The following MOK variants were observed in gnomAD, a reference collection of about 807,000 sequenced individuals.
MOK encodes the protein MAPK/MAK/MRK overlapping kinase.
MOK carries 59 observed loss-of-function variants against 54.2 expected under a neutral mutation model. That is an observed-to-expected ratio of 1.09 (90% CI 0.88 to 1.35). The LOEUF (loss-of-function observed/expected upper bound fraction) is 1.35. Among genes scored for constraint, MOK ranks in the 40% most tolerant of loss-of-function variants. MOK has a pLI of 0.00. For missense variants in MOK, 517 were observed against 526.2 expected, an observed-to-expected ratio of 0.98 and a Z score of 0.17; for synonymous variants, 210 against 202.7, an observed-to-expected ratio of 1.04 and a Z score of -0.31.
rs869078357 is a variant in MOK, at chr14:102,264,227, AAAAG to A, written c.213-615_213-612del. Reference sequence around the variant, plus strand: ...CCCTGTCTCAAAAAAAAAAAAAAAAAAAAGAAAGAAAGAAAGAAAATTAATTCGT... The same window carrying A: ...CCCTGTCTCAAAAAAAAAAAAAAAAAAAAGAAAGAAAGAAAATTAATTCGT... On this transcript the variant is annotated intron_variant, in intron 3 of 11. Transcript: ENST00000361847. 4.2e-3 allele frequency: 527 copies of A among 124,270 alleles called. 10 individuals are homozygous for A. The highest frequency in any genetic ancestry group is 8.1e-3 in the African/African-American group (202 of 24,852). The allele number at this position is 124,270 out of a possible 1,614,324, so 7.7% of individuals were successfully genotyped here. A position where few individuals can be genotyped will look rare whatever the true frequency, so the allele number is the denominator to read the frequency against.
chr14:102,303,797 C>T lies in MOK; in HGVS notation c.7+1165G>A, dbSNP rs188881589. 1.5e-4 allele frequency among the ~76,000 whole-genome samples: 23 copies of T among 152,208 alleles called. No individual in the cohort carries two copies. In the East Asian group the frequency reaches 3.5e-3, roughly 23 times the overall value. On this transcript the variant is annotated intron_variant, in intron 1 of 11. Coordinates refer to ENST00000361847, the MANE Select transcript of MOK (RefSeq NM_014226.3). ...AAATGGGAGAGAGAAAACACCAGAG[C>T]GAAAGCGAGCACACAAAAATAAGGC...
intron 2 of MOK, chr14:102,278,525 A>G (rs2069099206): frequency 2.7e-6 from 1 of 372,232 alleles, no homozygotes; most frequent in Non-Finnish European, 5.4e-6. Context: ...ACCATGTACC[A>G]CATGTAGACC....
At chr14:102,276,525 A>C (rs2068879765) in intron 2 of MOK, among the ~76,000 whole-genome samples, 1 of 151,974 alleles carries the variant, frequency 6.6e-6, no homozygotes, top group African/African-American at 2.4e-5. Flanking sequence ...AAAAAGTTAC[A>C]ATCACTTTGA....
At chr14:102,299,716 C>T (rs75787780) in intron 1 of MOK, among the ~76,000 whole-genome samples, 27 of 152,090 alleles carry the variant, frequency 1.8e-4, no homozygotes, top group Non-Finnish European at 3.7e-4. Context: ...CTCCCGAGTA[C>T]CTGAGACCAC....
chr14:102,251,895 T>C (rs779366046), intron 5 of MOK, 22 bp downstream of exon 5: 1 of 1,561,750 alleles, frequency 6.4e-7, no homozygotes, highest in Non-Finnish European at 8.8e-7. Flanking sequence ...ATTTCAGAGC[T>C]GTCAAATCTC....
In MOK at chr14:102,235,267, C is replaced by T. The variant is rs1295845711; in HGVS notation, c.591-1478G>A. ...TCCGTGTCCACGTCCCATTTTCCCTCTCTAATGTTTCCCAAATTGAGAAAC... is the reference window on the plus strand; with the variant it reads ...TCCGTGTCCACGTCCCATTTTCCCTTTCTAATGTTTCCCAAATTGAGAAAC... On this transcript the variant is annotated intron_variant, in intron 7 of 11. Coordinates refer to ENST00000361847, the MANE Select transcript of MOK (RefSeq NM_014226.3). This position sits in a 1 kb window ranked among gnomAD's most constrained non-coding sequence, Gnocchi z 4.4. The T allele has an allele frequency of 6.6e-6, 1 of 152,210 alleles. No individual in the cohort carries two copies. Among genetic ancestry groups the T allele is most frequent in the Admixed American group, 6.5e-5 (1 of 15,284 alleles). 9.4% of individuals were successfully genotyped at this position (152,210 alleles called of 1,614,324 possible).
At chr14:102,220,543 A>T (rs895486118), downstream of MOK, among the ~76,000 whole-genome samples, 1 of 152,106 alleles carries the variant, frequency 6.6e-6, no homozygotes, top group Admixed American at 6.5e-5. This position sits in a 1 kb window ranked among gnomAD's most constrained non-coding sequence, Gnocchi z 4.2. Context: ...TAACAGTGAA[A>T]CCCCATCTCT....
At chr14:102,217,613 C>T in the MOK span, among the ~76,000 whole-genome samples, 1 of 152,152 alleles carries the variant, frequency 6.6e-6, no homozygotes, top group Non-Finnish European at 1.5e-5. Context: ...CTGGGCTGGG[C>T]CCAGGGTTCC....
chr14:102,294,656 A>T (rs1055859120), intron 1 of MOK, among the ~76,000 whole-genome samples: 2 of 152,072 alleles, frequency 1.3e-5, no homozygotes, highest in African/African-American at 2.4e-5. Context: ...GAGGGATTGG[A>T]GGTCAATCAC....
At chr14:102,215,181 G>A in the MOK span, among the ~76,000 whole-genome samples, 2 of 152,332 alleles carry the variant, frequency 1.3e-5, no homozygotes, top group African/African-American at 2.4e-5. Flanking sequence ...AGTTGGCAGC[G>A]TACTCGATGA....
intron 1 of MOK, among the ~76,000 whole-genome samples, chr14:102,287,951 C>T (rs1377390485): frequency 6.6e-6 from 1 of 151,494 alleles, no homozygotes; most frequent in Non-Finnish European, 1.5e-5. Flanking sequence ...TCTCCTGCCT[C>T]AGCCTCCCGA....
At chr14:102,294,394 C>T (rs1176181107) in intron 1 of MOK, among the ~76,000 whole-genome samples, 4 of 148,942 alleles carry the variant, frequency 2.7e-5, no homozygotes, top group East Asian at 2.0e-4. Context: ...GGCAGTGAGC[C>T]GAGATAGCGC....
downstream of MOK, chr14:102,224,704 A>G (rs1391291013): frequency 2.2e-6 from 1 of 455,918 alleles, no homozygotes. Flanking sequence ...CGGAGGAGAC[A>G]TTAGTTACAG....
At position 102,229,756 on chromosome 14, in the gene MOK, A is replaced by G. The variant is rs574680258; in HGVS notation, c.982-99T>C. ...CTCTTTTGTACTGCTTTTGCCTAAT[A>G]CAATTTCTTGACCATAAGATGTGAC... On this transcript the variant is annotated intron_variant, in intron 10 of 11. Transcript: ENST00000361847. 68 of 1,104,564 alleles carry G rather than the reference A, an allele frequency of 6.2e-5. 1 individual carries two copies. In the South Asian group the frequency reaches 1.0e-3, roughly 17 times the overall value. The allele number at this position is 1,104,564 out of a possible 1,614,324, so 68.4% of individuals were successfully genotyped here.
chr14:102,247,011 A>C (rs777984991), intron 7 of MOK, among the ~76,000 whole-genome samples: 2 of 152,036 alleles, frequency 1.3e-5, no homozygotes, highest in Non-Finnish European at 2.9e-5. Flanking sequence ...ACAAAAACTC[A>C]GAGTACTGCA....
At position 102,243,114 on chromosome 14, in the gene MOK, CA is replaced by C. The variant is rs1473464946; in HGVS notation, c.590+7697del. Among the ~76,000 whole-genome samples, 4 of 152,294 alleles carry C rather than the reference CA, an allele frequency of 2.6e-5. No homozygotes were observed. The East Asian group carries it at 7.7e-4, about 29-fold the overall frequency. ...TGCTAATCATGTCTGGCTAATCTCC[CA>C]AACCCCAACCCCTTCTACAAAACAA... On this transcript the variant is annotated intron_variant, in intron 7 of 11. Coordinates refer to ENST00000361847, the MANE Select transcript of MOK (RefSeq NM_014226.3).
rs1481446481 is a variant in MOK at position 102,277,923 on chromosome 14, T to TA, written c.122+5554dup. Among the ~76,000 whole-genome samples the TA allele has an allele frequency of 1.3e-5, 2 of 152,172 alleles. 1 individual carries two copies. Among genetic ancestry groups the TA allele is most frequent in the East Asian group, 3.8e-4 (2 of 5,196 alleles). ...GCATGTTTGTGTCCTCTAAAATTCA[T>TA]ACGTTGAAACCCTAAACCCCCAATG... On this transcript the variant is annotated intron_variant, in intron 2 of 11. Transcript: ENST00000361847.
intron 2 of MOK, among the ~76,000 whole-genome samples, chr14:102,275,915 TTTC>T (rs1179393862): frequency 6.6e-6 from 1 of 152,228 alleles, no homozygotes; most frequent in Non-Finnish European, 1.5e-5. Flanking sequence ...AAAATTATTT[TTTC>T]TTTTTTTCTC....
chr14:102,244,357 G>A (rs2065932425), intron 7 of MOK, among the ~76,000 whole-genome samples: 1 of 152,084 alleles, frequency 6.6e-6, no homozygotes, highest in African/African-American at 2.4e-5. Context: ...TTGGACTAAG[G>A]AACATATCTC....
Sources: gnomAD v4.1 joint callset for allele counts (sites outside exome capture counted in the v4.1 genomes callset) on GRCh38, gnomAD v4.1.1 for gene constraint, Gnocchi (gnomAD v3.1) non-coding constraint, MANE v1.5 for transcripts, NCBI Gene and HGNC (gene_info 2026-07-23, HGNC 2026-07-21) for gene names.